Variants in TP53I13 observed in about 807,000 individuals in gnomAD.
TP53I13 encodes tumor protein p53 inducible protein 13, also known as tumor protein p53-inducible protein 13.
A neutral mutation model predicts 39.1 loss-of-function variants in TP53I13; 27 were observed. That is an observed-to-expected ratio of 0.69 (90% CI 0.51 to 0.95). The LOEUF (loss-of-function observed/expected upper bound fraction) is 0.95. TP53I13 is among the 40% of genes least tolerant of loss of function. TP53I13 has a pLI of 0.00. For missense variants in TP53I13, 544 were observed against 520.4 expected (o/e 1.05, Z -0.44); for synonymous variants, 230 against 224.6 (o/e 1.02, Z -0.22).
At chr17:29,575,659 C>G (rs1315835874), downstream of TP53I13, 1 of 1,612,536 alleles carries the variant, frequency 6.2e-7, no homozygotes, top group Non-Finnish European at 8.5e-7. The surrounding 1 kb of genome is among the most constrained non-coding windows in gnomAD (Gnocchi z 5.5). Flanking sequence ...TTTGCGTGTT[C>G]TCATAGTCAC....
Position 29,572,958 on chromosome 17 carries a change from C to A in TP53I13, c.*34C>A, listed in dbSNP as rs1307966108. 1 of 1,365,436 alleles carries A rather than the reference C, an allele frequency of 7.3e-7. No homozygotes were observed. Among genetic ancestry groups the A allele is most frequent in the Non-Finnish European group, 9.4e-7 (1 of 1,063,204 alleles). The allele number at this position is 1,365,436 out of a possible 1,614,324, so 84.6% of individuals were successfully genotyped here. A position where few individuals can be genotyped will look rare whatever the true frequency, so the allele number is the denominator to read the frequency against. ...GACCTGCCACTGTGGCGTGCGGCTC[C>A]TCCCCGCGCCGCGAGGCCGCGACCT... On this transcript the variant is annotated 3_prime_UTR_variant, in exon 7 of 7. Transcript: ENST00000301057.
At chr17:29,573,372 CAGCACAGG>C (rs2150814021), downstream of TP53I13, 2 of 156,670 alleles carry the variant, frequency 1.3e-5, no homozygotes, top group South Asian at 4.1e-4. Context: ...CAGACGTTCC[CAGCACAGG>C]GGCTTCCCTA....
chr17:29,577,333 T>C (rs550723423), downstream of TP53I13: 14 of 1,030,754 alleles, frequency 1.4e-5, no homozygotes, highest in East Asian at 3.1e-4. Context: ...AAGGCATGGC[T>C]CTGCCATTTA....
At chr17:29,566,674 C>T (rs756173649), upstream of TP53I13, 1 of 1,596,464 alleles carries the variant, frequency 6.3e-7, no homozygotes, top group Non-Finnish European at 8.5e-7. Flanking sequence ...GAACCAGGAG[C>T]GCGGGCCGGC....
the TP53I13 span, among the ~76,000 whole-genome samples, chr17:29,579,967 C>T: frequency 6.6e-6 from 1 of 152,144 alleles, no homozygotes; most frequent in East Asian, 1.9e-4. Flanking sequence ...TTCTCCAGCT[C>T]GTCTCTATCC....
the TP53I13 span, chr17:29,579,000 G>C: frequency 6.2e-7 from 1 of 1,613,812 alleles, no homozygotes; most frequent in Non-Finnish European, 8.5e-7. Flanking sequence ...TAAGTCCAGA[G>C]GAAGGCAGCA....
Position 29,572,685 on chromosome 17 carries a change from G to C in TP53I13, c.1057G>C (p.Asp353His), listed in dbSNP as rs1183291252. ...CTGGGGGCCCACAGCGGACAGCCAG[G>C]ACACAGTGGCTGGTGAGGAGTTCCC... is the stretch of plus-strand genomic sequence containing the variant. ...IYWGPTADSQ[D>H]TVAAVLKRRL... Residue 353 changes from aspartate (D) to histidine (H), a missense_variant, in exon 6 of 7, where the codon GAC (aspartate) becomes CAC (histidine). Coordinates refer to ENST00000301057, the MANE Select transcript of TP53I13 (RefSeq NM_138349.4). The C allele has an allele frequency of 6.4e-7, 1 of 1,559,134 alleles. No homozygotes were observed.
upstream of TP53I13, chr17:29,567,058 C>T: frequency 2.7e-6 from 3 of 1,126,934 alleles, no homozygotes; most frequent in South Asian, 4.4e-5. This position sits in a 1 kb window ranked among gnomAD's most constrained non-coding sequence, Gnocchi z 6.6. Context: ...CCGCCGGCGG[C>T]GGCTGCCCAG....
At chr17:29,576,539 G>A (rs538711253), downstream of TP53I13, 43 of 1,613,890 alleles carry the variant, frequency 2.7e-5, no homozygotes, top group South Asian at 3.3e-5. Flanking sequence ...TGCAGCCTCC[G>A]GAGCTCGTCG....
chr17:29,576,977 CAG>C, downstream of TP53I13: 2 of 1,602,950 alleles, frequency 1.2e-6, no homozygotes, highest in Non-Finnish European at 1.7e-6. Flanking sequence ...TCTGGCTCCG[CAG>C]AGACAGCTCG....
At chr17:29,576,158 A>C, downstream of TP53I13, 8 of 1,612,768 alleles carry the variant, frequency 5.0e-6, no homozygotes, top group Non-Finnish European at 6.8e-6. Flanking sequence ...AGCGAGCGTC[A>C]TGGTGGACCC....
At chr17:29,581,501 G>T in the TP53I13 span, 1 of 837,914 alleles carries the variant, frequency 1.2e-6, no homozygotes, top group Non-Finnish European at 2.0e-6. The surrounding 1 kb of genome is among the most constrained non-coding windows in gnomAD (Gnocchi z 4.8). Flanking sequence ...AGTGGGGAGG[G>T]CAGGCCACCC....
At chr17:29,578,360 C>T in the TP53I13 span, 2 of 1,614,152 alleles carry the variant, frequency 1.2e-6, no homozygotes, top group South Asian at 2.2e-5. Context: ...CCTCAAAAAG[C>T]CGGTTGCTGA....
intron 2 of TP53I13, 96 bp downstream of exon 2, chr17:29,569,182 A>T: frequency 6.7e-7 from 1 of 1,489,934 alleles, no homozygotes; most frequent in Non-Finnish European, 9.1e-7. Context: ...CCATCTGAGG[A>T]CCTCTGCCGG....
chr17:29,577,391 AGCAGCCAAG>A, downstream of TP53I13: 1 of 722,876 alleles, frequency 1.4e-6, no homozygotes, highest in Non-Finnish European at 2.4e-6. Flanking sequence ...CTGGCTAGTC[AGCAGCCAAG>A]GCCACCCGTG....
At position 29,571,870 on chromosome 17, in the gene TP53I13, C is replaced by G; in HGVS notation, c.326C>G (p.Thr109Ser). 1 of 1,613,280 alleles carries G rather than the reference C, an allele frequency of 6.2e-7. No individual in the cohort carries two copies. The highest frequency in any genetic ancestry group is 8.5e-7 in the Non-Finnish European group (1 of 1,179,930). The change falls in exon 5 of 7, where the codon ACT becomes AGT. Residue 109 changes from threonine to serine, a missense_variant. Physicochemically the swap from Thr to Ser is moderately conservative, Grantham distance 58. Coordinates refer to ENST00000301057, the MANE Select transcript of TP53I13 (RefSeq NM_138349.4). The part of the protein sequence containing the change: ...SLTQDRPLVL[T>S]AWGLALEMAW... ...CTCCTCTCGTAGCCCCTGGTGCTGA[C>G]TGCATGGGGGCTGGCGCTGGAGATG... is the stretch of plus-strand genomic sequence containing the variant.
In TP53I13 at chr17:29,568,767, T is replaced by A. The variant is rs1768271213; in HGVS notation, c.9T>A (p.Pro3=). The A allele has an allele frequency of 6.3e-7, 1 of 1,588,060 alleles. No individual in the cohort carries two copies. The highest frequency in any genetic ancestry group is 1.1e-5 in the South Asian group (1 of 90,014). The change falls in exon 1 of 7, where the codon CCT becomes CCA. Residue 3 remains proline, a synonymous_variant. Coordinates refer to ENST00000301057, the MANE Select transcript of TP53I13 (RefSeq NM_138349.4). The surrounding 1 kb of genome is among the most constrained non-coding windows in gnomAD (Gnocchi z 4.5). MA[P]PPPSPQLLLL... is the part of the protein sequence containing the mutation. ...GCCCGGGGCCGCTTGGAATGGCGCC[T>A]CCTCCGCCTTCGCCCCAACTGCTTC...
chr17:29,578,481 G>A, the TP53I13 span: 25 of 1,006,036 alleles, frequency 2.5e-5, no homozygotes, highest in Non-Finnish European at 4.0e-5. Flanking sequence ...TCCTTGTGCT[G>A]CCCAGCCCCT....
At chr17:29,577,096 C>T, downstream of TP53I13, 24 of 1,606,282 alleles carry the variant, frequency 1.5e-5, no homozygotes, top group Non-Finnish European at 2.0e-5. Flanking sequence ...ACCCCTGGAG[C>T]CCCGCCTGCT....
Sources: allele counts gnomAD v4.1 joint callset (sites outside exome capture counted in the v4.1 genomes callset), GRCh38; gene constraint gnomAD v4.1.1; non-coding constraint Gnocchi (gnomAD v3.1); transcripts MANE v1.5; gene names NCBI Gene and HGNC (gene_info 2026-07-23, HGNC 2026-07-21).